Variants in FUT9 observed in about 807,000 individuals in gnomAD.
FUT9 encodes the protein 4-galactosyl-N-acetylglucosaminide 3-alpha-L-fucosyltransferase 9.
A neutral mutation model predicts 29.7 loss-of-function variants in FUT9; 15 were observed. The observed-to-expected ratio is 0.51, with a 90% CI of 0.34 to 0.78. The LOEUF (loss-of-function observed/expected upper bound fraction) is 0.78, where lower values mean the gene tolerates loss of function less well. Ranked by LOEUF, FUT9 falls within the 30% of genes least tolerant of loss-of-function variation. The pLI is 0.01. For missense variants in FUT9, 319 were observed against 425.4 expected (o/e 0.75, Z 2.20); for synonymous variants, 169 against 153.7 (o/e 1.10, Z -0.74).
intron 2 of FUT9, among the ~76,000 whole-genome samples, chr6:96,171,775 T>C (rs954117624): frequency 3.3e-5 from 5 of 152,166 alleles, no homozygotes; most frequent in Non-Finnish European, 7.4e-5. Context: ...CATCACCTCA[T>C]GGGATTTCTA....
intron 1 of FUT9, among the ~76,000 whole-genome samples, chr6:96,039,828 C>T (rs533921322): frequency 2.0e-4 from 31 of 152,134 alleles, no homozygotes; most frequent in East Asian, 7.7e-4. Flanking sequence ...GTTGTGTAGA[C>T]GTAATGAAAT....
chr6:96,041,858 T>G (rs1405627855), intron 1 of FUT9, among the ~76,000 whole-genome samples: 2 of 152,190 alleles, frequency 1.3e-5, no homozygotes, highest in Admixed American at 6.5e-5. Flanking sequence ...AAGGGTAGTG[T>G]TTTTTCTGTT....
intron 1 of FUT9, among the ~76,000 whole-genome samples, chr6:96,028,834 T>C (rs1770211693): frequency 6.6e-6 from 1 of 151,644 alleles, no homozygotes; most frequent in Non-Finnish European, 1.5e-5. Flanking sequence ...CATGATAATA[T>C]GAAGTAATCA....
chr6:96,044,379 C>T (rs940393687), intron 1 of FUT9, among the ~76,000 whole-genome samples: 1 of 152,170 alleles, frequency 6.6e-6, no homozygotes, highest in Non-Finnish European at 1.5e-5. Context: ...TTTGCATTTA[C>T]AATTGCTCAG....
chr6:96,196,905 T>C (rs1773637820), intron 2 of FUT9, among the ~76,000 whole-genome samples: 1 of 152,012 alleles, frequency 6.6e-6, no homozygotes, highest in African/African-American at 2.4e-5. Flanking sequence ...CACGGAAAGA[T>C]GGGTGAAAGT....
intron 1 of FUT9, among the ~76,000 whole-genome samples, chr6:96,082,985 T>C (rs1448674198): frequency 1.3e-5 from 2 of 151,972 alleles, no homozygotes; most frequent in East Asian, 3.9e-4. Context: ...TCTTCAAAAA[T>C]TTTTTTAGCT....
chr6:96,088,081 A>T (rs907258236), intron 1 of FUT9, among the ~76,000 whole-genome samples: 2 of 151,934 alleles, frequency 1.3e-5, no homozygotes, highest in African/African-American at 2.4e-5. Flanking sequence ...TCTTATCTTT[A>T]TTTCCTATAT....
intron 1 of FUT9, among the ~76,000 whole-genome samples, chr6:96,073,717 G>A (rs752311605): frequency 7.2e-5 from 11 of 152,244 alleles, no homozygotes; most frequent in East Asian, 5.8e-4. Context: ...CATTAAAGGC[G>A]CGAGATGCTA....
At chr6:96,091,389 G>A (rs1771409196) in intron 1 of FUT9, among the ~76,000 whole-genome samples, 1 of 151,968 alleles carries the variant, frequency 6.6e-6, no homozygotes, top group Non-Finnish European at 1.5e-5. Context: ...GGACCCTTCT[G>A]TATTAAAGAA....
chr6:96,027,169 A>G (rs1231347142), intron 1 of FUT9, among the ~76,000 whole-genome samples: 1 of 151,682 alleles, frequency 6.6e-6, no homozygotes, highest in Non-Finnish European at 1.5e-5. Context: ...TTTTGCATTT[A>G]TAGTGAAACT....
At chr6:96,136,713 A>C (rs1772355007) in intron 2 of FUT9, among the ~76,000 whole-genome samples, 1 of 151,972 alleles carries the variant, frequency 6.6e-6, no homozygotes, top group East Asian at 1.9e-4. Flanking sequence ...AGCAAATTTT[A>C]TTCCAAAGAA....
intron 1 of FUT9, among the ~76,000 whole-genome samples, chr6:96,047,860 C>CA (rs2127936533): frequency 1.3e-5 from 2 of 152,264 alleles, no homozygotes; most frequent in Admixed American, 1.3e-4. Flanking sequence ...CCTGCTATAA[C>CA]AAATTGCCAG....
At chr6:96,120,573 G>A (rs1283264595) in intron 2 of FUT9, among the ~76,000 whole-genome samples, 6 of 133,140 alleles carry the variant, frequency 4.5e-5, no homozygotes. Flanking sequence ...GTGAACCACC[G>A]TGCCTGGGCA....
chr6:96,044,713 T>C (rs1429559191), intron 1 of FUT9, among the ~76,000 whole-genome samples: 1 of 152,192 alleles, frequency 6.6e-6, no homozygotes. Context: ...GCTGTCTTCA[T>C]AATAAAAATT....
chr6:96,112,027 A>AT (rs1771818451), intron 1 of FUT9, among the ~76,000 whole-genome samples: 1 of 152,148 alleles, frequency 6.6e-6, no homozygotes, highest in African/African-American at 2.4e-5. Context: ...GCATTTTATT[A>AT]TTTTTTCTAA....
chr6:96,069,908 G>A lies in FUT9; in HGVS notation c.-97-44131G>A, dbSNP rs1453011196. 2.0e-5 allele frequency among the ~76,000 whole-genome samples: 3 copies of A among 152,012 alleles called. No individual in the cohort carries two copies. In the East Asian group the frequency reaches 5.8e-4, roughly 29 times the overall value. ...GGCCTCTCAAAGTGCTGGGATTACA[G>A]GCGTGAGCCACCGCACCCAGCTAAC... On this transcript the variant is annotated intron_variant, in intron 1 of 2. Transcript: ENST00000302103.
rs1223476179 is a variant in FUT9 at position 96,038,722 on chromosome 6, T to C, written c.-98+22510T>C. On this transcript the variant is annotated intron_variant, in intron 1 of 2. Transcript: ENST00000302103. ...AATTGATATCAGGATAGTGTTTGAATAGCTTTAAATGGCTTTGAACACTTT... is the reference window on the plus strand; with the variant it reads ...AATTGATATCAGGATAGTGTTTGAACAGCTTTAAATGGCTTTGAACACTTT... Among the ~76,000 whole-genome samples, 3 of 152,284 alleles carry C rather than the reference T, an allele frequency of 2.0e-5. No individual in the cohort carries two copies. In the East Asian group the frequency reaches 5.8e-4, roughly 29 times the overall value.
chr6:96,185,378 C>A (rs1773387262), intron 2 of FUT9, among the ~76,000 whole-genome samples: 1 of 151,774 alleles, frequency 6.6e-6, no homozygotes, highest in African/African-American at 2.4e-5. Flanking sequence ...TAGTAATTGA[C>A]TAGATGTAGG....
intron 1 of FUT9, among the ~76,000 whole-genome samples, chr6:96,053,184 G>C (rs1457710137): frequency 6.6e-6 from 1 of 151,582 alleles, no homozygotes. Flanking sequence ...TATTCTTCAG[G>C]GTTATTTTAG....
Sources: gnomAD v4.1 joint callset for allele counts (sites outside exome capture counted in the v4.1 genomes callset) on GRCh38, gnomAD v4.1.1 for gene constraint, MANE v1.5 for transcripts, NCBI Gene and HGNC (gene_info 2026-07-23, HGNC 2026-07-21) for gene names.